HENMT1: variants seen among roughly 807,000 people sequenced by gnomAD.
HENMT1 encodes HEN methyltransferase 1, also known as small RNA 2'-O-methyltransferase.
A neutral mutation model predicts 31.1 loss-of-function variants in HENMT1; 27 were observed. The observed-to-expected ratio is 0.87, with a 90% CI of 0.64 to 1.20. The LOEUF (loss-of-function observed/expected upper bound fraction) is 1.20, where lower values mean the gene tolerates loss of function less well. Among genes scored for constraint, HENMT1 ranks in the 50% most tolerant of loss-of-function variants. HENMT1 has a pLI of 0.00. For missense variants in HENMT1, 438 were observed against 469.6 expected (o/e 0.93, Z 0.62); for synonymous variants, 167 against 172.2 (o/e 0.97, Z 0.24).
At chr1:108,655,519 TTCTC>T (rs1658204502) in intron 4 of HENMT1, 63 bp downstream of exon 4, 11 of 892,690 alleles carry the variant, frequency 1.2e-5, no homozygotes, top group Non-Finnish European at 1.7e-5. Flanking sequence ...AATCAACACT[TTCTC>T]TAAACTCAAT....
At chr1:108,652,785 A>T (rs1658094061) in intron 5 of HENMT1, among the ~76,000 whole-genome samples, 2 of 152,010 alleles carry the variant, frequency 1.3e-5, no homozygotes, top group African/African-American at 4.8e-5. Context: ...TCTACTAAAA[A>T]TACAAAAAAT....
intron 7 of HENMT1, chr1:108,649,433 T>G (rs1229648088): frequency 2.3e-6 from 1 of 443,772 alleles, no homozygotes. Flanking sequence ...AGACCCTGTC[T>G]CTACGGAAAA....
At chr1:108,659,754 C>G in intron 2 of HENMT1, 110 bp downstream of exon 2, 2 of 672,848 alleles carry the variant, frequency 3.0e-6, no homozygotes, top group South Asian at 1.9e-5. Flanking sequence ...ACCAACACCC[C>G]GGGAAATGCT....
rs61122468 is a variant in HENMT1, at chr1:108,655,848, TACACACACACACAC to T, written c.151-164_151-151del. The stretch of plus-strand genomic sequence containing the variant: ...GAAGGATCTTTTTGGCAGAAGATGC[TACACACACACACAC>T]ACACACACACACACACACACACACA... On this transcript the variant is annotated intron_variant, in intron 3 of 7. Coordinates refer to ENST00000651461, the MANE Select transcript of HENMT1 (RefSeq NM_001102592.2). 8.5e-4 allele frequency: 199 copies of T among 234,004 alleles called. 1 individual carries two copies. Among genetic ancestry groups the T allele is most frequent in the African/African-American group, 3.2e-3 (129 of 40,616 alleles). The allele number at this position is 234,004 out of a possible 1,614,324, so 14.5% of individuals were successfully genotyped here.
chr1:108,658,060 C>CAT (rs576053839), intron 2 of HENMT1, among the ~76,000 whole-genome samples: 2 of 97,960 alleles, frequency 2.0e-5, no homozygotes, highest in Non-Finnish European at 4.0e-5. Flanking sequence ...CACACACACA[C>CAT]ATATATATGT....
chr1:108,658,143 T>TTCC (rs1553183834), intron 2 of HENMT1, among the ~76,000 whole-genome samples: 1 of 148,030 alleles, frequency 6.8e-6, no homozygotes, highest in African/African-American at 2.5e-5. Flanking sequence ...ATTTTTTTTT[T>TTCC]CCCCCCAAGA....
intron 6 of HENMT1, 66 bp downstream of exon 6, chr1:108,650,964 T>C (rs1350407212): frequency 8.8e-7 from 1 of 1,141,930 alleles, no homozygotes; most frequent in African/African-American, 1.6e-5. Flanking sequence ...TGTATATCAA[T>C]ATTTATTTCC....
chr1:108,658,471 C>T (rs1451370904), intron 2 of HENMT1, among the ~76,000 whole-genome samples: 1 of 152,160 alleles, frequency 6.6e-6, no homozygotes, highest in Non-Finnish European at 1.5e-5. Flanking sequence ...CTCACTATGT[C>T]GCCCAGGCTG....
chr1:108,660,873 G>C (rs966519650), intron 1 of HENMT1, 90 bp downstream of exon 1: 5 of 548,370 alleles, frequency 9.1e-6, no homozygotes, highest in African/African-American at 8.3e-5. Flanking sequence ...GCAGTGAGCC[G>C]AGATCCCGCC....
chr1:108,657,602 G>C lies in HENMT1; in HGVS notation c.22-23C>G. 2 of 1,597,640 alleles carry C rather than the reference G, an allele frequency of 1.3e-6. 1 individual carries two copies. The highest frequency in any genetic ancestry group is 2.3e-5 in the South Asian group (2 of 88,638). ...GCACTGAAGTTCACAAACAAAAAAAGACAGGTTCTAAATCATGCATGACTT... is the reference window on the plus strand; with the variant it reads ...GCACTGAAGTTCACAAACAAAAAAACACAGGTTCTAAATCATGCATGACTT... On this transcript the variant is annotated intron_variant, in intron 2 of 7. Transcript: ENST00000651461.
At position 108,650,738 on chromosome 1, in the gene HENMT1, T is replaced by C. The variant is rs117119145; in HGVS notation, c.578+292A>G. 2.6e-5 allele frequency among the ~76,000 whole-genome samples: 4 copies of C among 152,282 alleles called. No homozygotes were observed. In the East Asian group the frequency reaches 7.7e-4, roughly 29 times the overall value. ...TCAGGAGATATCCCGGGGAGGGGCA[T>C]GAGGCTCATTCTCACTGTCCCAAAC... On this transcript the variant is annotated intron_variant, in intron 6 of 7. Coordinates refer to ENST00000651461, the MANE Select transcript of HENMT1 (RefSeq NM_001102592.2).
Position 108,651,074 on chromosome 1 carries a change from A to G in HENMT1, c.534T>C (p.Asp178=). 1 of 1,614,066 alleles carries G rather than the reference A, an allele frequency of 6.2e-7. No homozygotes were observed. Among genetic ancestry groups the G allele is most frequent in the East Asian group, 2.2e-5 (1 of 44,864 alleles). Reference sequence around the variant, plus strand: ...TGGTCCACTCAAATTTATGATCTGAATCTCTTAAGGTCACTGATGGAAACA... The same window carrying G: ...TGGTCCACTCAAATTTATGATCTGAGTCTCTTAAGGTCACTGATGGAAACA... ...NPLFPSVTLR[D]SDHKFEWTRM... is the part of the protein sequence containing the mutation. The change falls in exon 6 of 8, where the codon GAT becomes GAC. Residue 178 remains aspartate, a synonymous_variant. Transcript: ENST00000651461.
chr1:108,655,904 T>C (rs1353026380), intron 3 of HENMT1, among the ~76,000 whole-genome samples: 2 of 147,752 alleles, frequency 1.4e-5, no homozygotes, highest in Non-Finnish European at 3.0e-5. Flanking sequence ...AACCTGAAAC[T>C]TTATAAGCCC....
At position 108,648,425 on chromosome 1, in the gene HENMT1, G is replaced by A. The variant is rs1657937534; in HGVS notation, c.*141C>T. ...TGCAGTCTGGCCATATCTCAAGCAGGTCTGTCCAATGGCTTGGAACATAGA... is the reference window on the plus strand; with the variant it reads ...TGCAGTCTGGCCATATCTCAAGCAGATCTGTCCAATGGCTTGGAACATAGA... On this transcript the variant is annotated 3_prime_UTR_variant, in exon 8 of 8. Transcript: ENST00000651461. 8.6e-6 allele frequency: 6 copies of A among 700,896 alleles called. No individual in the cohort carries two copies. Among genetic ancestry groups the A allele is most frequent in the Non-Finnish European group, 1.4e-5 (6 of 427,490 alleles). The allele number at this position is 700,896 out of a possible 1,614,324, so 43.4% of individuals were successfully genotyped here.
chr1:108,658,286 C>T (rs1203824358), intron 2 of HENMT1, among the ~76,000 whole-genome samples: 5 of 152,058 alleles, frequency 3.3e-5, no homozygotes, highest in Admixed American at 2.6e-4. Flanking sequence ...TACAGGCATG[C>T]GCCACCATGC....
rs149621877 is a variant in HENMT1, at chr1:108,657,326, C to T, written c.150+125G>A. Reference sequence around the variant, plus strand: ...GAGACACCTGCAGATCTTGTGGTTACGGCATTCTCCCTATTGCAATAACCC... The same window carrying T: ...GAGACACCTGCAGATCTTGTGGTTATGGCATTCTCCCTATTGCAATAACCC... On this transcript the variant is annotated intron_variant, in intron 3 of 7. Coordinates refer to ENST00000651461, the MANE Select transcript of HENMT1 (RefSeq NM_001102592.2). 2.1e-3 allele frequency: 1,337 copies of T among 644,840 alleles called. 12 individuals carry two copies. In the African/African-American group the frequency reaches 0.022, roughly 10 times the overall value. 39.9% of individuals were successfully genotyped at this position (644,840 alleles called of 1,614,324 possible).
Position 108,661,050 on chromosome 1 carries a change from CGCGGA to C in HENMT1, c.-171_-167del. 1 of 975,940 alleles carries C rather than the reference CGCGGA, an allele frequency of 1.0e-6. No individual in the cohort carries two copies. Among genetic ancestry groups the C allele is most frequent in the Non-Finnish European group, 1.2e-6 (1 of 821,352 alleles). 60.5% of individuals were successfully genotyped at this position (975,940 alleles called of 1,614,324 possible). A position where few individuals can be genotyped will look rare whatever the true frequency, so the allele number is the denominator to read the frequency against. ...GCCCAACCGAAAAAACAAAGCTCGT[CGCGGA>C]GCCGCCAGCGTCCTCAACTCAGCGC... On this transcript the variant is annotated 5_prime_UTR_variant, in exon 1 of 8. Transcript: ENST00000651461.
chr1:108,659,778 G>T, intron 2 of HENMT1, 86 bp downstream of exon 2: 3 of 853,770 alleles, frequency 3.5e-6, no homozygotes, highest in South Asian at 3.1e-5. Flanking sequence ...ACCTAAATGT[G>T]ATCAATTTTG....
intron 3 of HENMT1, among the ~76,000 whole-genome samples, chr1:108,656,249 C>A (rs925900888): frequency 6.6e-6 from 1 of 152,276 alleles, no homozygotes; most frequent in East Asian, 1.9e-4. Context: ...CTAATACCTA[C>A]GCCTTTGTGT....
Sources: gnomAD v4.1 joint callset for allele counts (sites outside exome capture counted in the v4.1 genomes callset) on GRCh38, gnomAD v4.1.1 for gene constraint, MANE v1.5 for transcripts, NCBI Gene and HGNC (gene_info 2026-07-23, HGNC 2026-07-21) for gene names.